The following SAMD12 variants were observed in gnomAD, a reference collection of about 807,000 sequenced individuals.
SAMD12 encodes sterile alpha motif domain containing 12, also known as sterile alpha motif domain-containing protein 12.
Under a neutral mutation model 15.0 loss-of-function variants are expected in SAMD12, and 9 were observed. The observed-to-expected ratio is 0.60, with a 90% CI of 0.36 to 1.05. The LOEUF (loss-of-function observed/expected upper bound fraction) is 1.05, where lower values mean the gene tolerates loss of function less well. SAMD12 is among the 50% of genes least tolerant of loss of function. The pLI is 0.01. For missense variants in SAMD12, 230 were observed against 234.2 expected (o/e 0.98, Z 0.12); for synonymous variants, 86 against 90.1 (o/e 0.96, Z 0.25).
At chr8:118,384,125 T>C (rs994580823) in intron 3 of SAMD12, among the ~76,000 whole-genome samples, 5 of 151,866 alleles carry the variant, frequency 3.3e-5, no homozygotes, top group Non-Finnish European at 7.4e-5. Context: ...AATGAGGGAA[T>C]AGAAGTGTCA....
At chr8:118,161,040 G>A in the SAMD12 span, among the ~76,000 whole-genome samples, 2 of 151,998 alleles carry the variant, frequency 1.3e-5, no homozygotes, top group Non-Finnish European at 1.5e-5. Context: ...GAGAACATGC[G>A]GTGTTTGGTT....
chr8:118,259,893 G>A (rs138430762), intron 4 of SAMD12, among the ~76,000 whole-genome samples: 1 of 152,200 alleles, frequency 6.6e-6, no homozygotes, highest in Admixed American at 6.5e-5. Context: ...TACATTTCAA[G>A]TTTAATGTTA....
chr8:118,145,752 A>C, the SAMD12 span, among the ~76,000 whole-genome samples: 1 of 152,250 alleles, frequency 6.6e-6, no homozygotes, highest in African/African-American at 2.4e-5. Flanking sequence ...AGAGAGCCTC[A>C]GACTACAATG....
chr8:118,616,350 TTCAAGGATGAG>T (rs1257142846), intron 1 of SAMD12, among the ~76,000 whole-genome samples: 2,922 of 152,270 alleles, frequency 0.019, 75 homozygotes, highest in African/African-American at 0.065. Flanking sequence ...TCATTCAAGC[TTCAAGGATGAG>T]ACATGAGACA....
At chr8:118,535,211 C>T (rs1825804160) in intron 2 of SAMD12, among the ~76,000 whole-genome samples, 1 of 152,202 alleles carries the variant, frequency 6.6e-6, no homozygotes, top group African/African-American at 2.4e-5. Context: ...GCTGGAGGTC[C>T]ACTCCAGACC....
chr8:118,354,676 T>C (rs1423175371), intron 4 of SAMD12, among the ~76,000 whole-genome samples: 1 of 152,250 alleles, frequency 6.6e-6, no homozygotes, highest in African/African-American at 2.4e-5. Flanking sequence ...GTGGCTGCTA[T>C]GCTGAACAGT....
chr8:118,570,328 T>C (rs368194638), intron 2 of SAMD12, among the ~76,000 whole-genome samples: 1 of 152,164 alleles, frequency 6.6e-6, no homozygotes, highest in Non-Finnish European at 1.5e-5. Flanking sequence ...TTAGTACCCA[T>C]TAGATATCTT....
At chr8:118,202,504 C>T (rs965553126) in intron 4 of SAMD12, among the ~76,000 whole-genome samples, 1 of 152,144 alleles carries the variant, frequency 6.6e-6, no homozygotes, top group African/African-American at 2.4e-5. Flanking sequence ...AAGTGACTGG[C>T]CCAGGAGGCA....
intron 4 of SAMD12, among the ~76,000 whole-genome samples, chr8:118,223,802 T>C (rs964306885): frequency 6.6e-6 from 1 of 152,218 alleles, no homozygotes; most frequent in African/African-American, 2.4e-5. Flanking sequence ...AGTTGAGATT[T>C]AGGCAAAGAA....
chr8:118,289,009 G>A (rs1450907602), intron 4 of SAMD12, among the ~76,000 whole-genome samples: 1 of 152,140 alleles, frequency 6.6e-6, no homozygotes, highest in African/African-American at 2.4e-5. Flanking sequence ...AATAAACACA[G>A]TATTGTTTTT....
chr8:118,139,163 T>C, the SAMD12 span, among the ~76,000 whole-genome samples: 1 of 151,350 alleles, frequency 6.6e-6, no homozygotes, highest in African/African-American at 2.4e-5. Context: ...GAGGAGCAAG[T>C]AATGTTCAGT....
At chr8:118,155,155 GTATAT>G in the SAMD12 span, among the ~76,000 whole-genome samples, 1 of 152,094 alleles carries the variant, frequency 6.6e-6, no homozygotes, top group Non-Finnish European at 1.5e-5. Flanking sequence ...TATCTATTTA[GTATAT>G]TATATCTAAT....
At chr8:118,466,399 T>C (rs1042191141) in intron 2 of SAMD12, among the ~76,000 whole-genome samples, 8 of 152,358 alleles carry the variant, frequency 5.3e-5, no homozygotes, top group African/African-American at 1.9e-4. Context: ...ATAATTACTA[T>C]ATTCATTTTA....
intron 4 of SAMD12, among the ~76,000 whole-genome samples, chr8:118,283,236 C>G (rs1813745132): frequency 6.6e-6 from 1 of 152,166 alleles, no homozygotes; most frequent in Non-Finnish European, 1.5e-5. Context: ...AACCAAAATA[C>G]TGCTTTCCAG....
intron 2 of SAMD12, among the ~76,000 whole-genome samples, chr8:118,504,255 C>G (rs1586769908): frequency 6.6e-6 from 1 of 152,346 alleles, no homozygotes; most frequent in East Asian, 1.9e-4. Flanking sequence ...GACTTCCTCT[C>G]CTAGACCAGG....
the SAMD12 span, among the ~76,000 whole-genome samples, chr8:118,150,063 A>G: frequency 6.6e-6 from 1 of 152,144 alleles, no homozygotes; most frequent in Admixed American, 6.5e-5. Flanking sequence ...GACATTTTTT[A>G]TTGTTATAAC....
intron 2 of SAMD12, among the ~76,000 whole-genome samples, chr8:118,478,247 C>T (rs1824021342): frequency 2.6e-5 from 4 of 152,198 alleles, no homozygotes; most frequent in Admixed American, 1.3e-4. Context: ...ATGGCTTGGC[C>T]AAAATATTTT....
intron 2 of SAMD12, among the ~76,000 whole-genome samples, chr8:118,513,056 A>G (rs1825132205): frequency 6.6e-6 from 1 of 152,034 alleles, no homozygotes; most frequent in African/African-American, 2.4e-5. Flanking sequence ...CTTTTTCACT[A>G]AACTGGGAAC....
chr8:118,543,879 A>C (rs531498393), intron 2 of SAMD12, among the ~76,000 whole-genome samples: 1 of 152,250 alleles, frequency 6.6e-6, no homozygotes, highest in Middle Eastern at 3.4e-3. Context: ...TTCACCTTTC[A>C]TTCCTTTATC....
Sources: gnomAD v4.1 joint callset for allele counts (sites outside exome capture counted in the v4.1 genomes callset) on GRCh38, gnomAD v4.1.1 for gene constraint, MANE v1.5 for transcripts, NCBI Gene and HGNC (gene_info 2026-07-23, HGNC 2026-07-21) for gene names.